The following GALNT17 variants were observed in gnomAD, a reference collection of about 807,000 sequenced individuals.
GALNT17 encodes the protein polypeptide N-acetylgalactosaminyltransferase 17, also known as UDP-GalNAc:polypeptide N-acetylgalactosaminyltransferase-like 3.
GALNT17 carries 29 observed loss-of-function variants against 63.7 expected under a neutral mutation model. That is an observed-to-expected ratio of 0.46 (90% CI 0.34 to 0.62). GALNT17 has a LOEUF of 0.62. Ranked by LOEUF, GALNT17 falls within the 20% of genes least tolerant of loss-of-function variation. The probability of loss-of-function intolerance (pLI) is 0.01; values close to 1 mark genes in which losing one functional copy is unlikely to be tolerated. For missense variants in GALNT17, 603 were observed against 799.6 expected, an observed-to-expected ratio of 0.75 and a Z score of 2.97; for synonymous variants, 305 against 318.3, an observed-to-expected ratio of 0.96 and a Z score of 0.45.
chr7:71,361,233 A>G (rs1167302288), intron 2 of GALNT17, among the ~76,000 whole-genome samples: 3 of 152,180 alleles, frequency 2.0e-5, no homozygotes, highest in African/African-American at 7.2e-5. Context: ...TGGGCATAAG[A>G]AACACCTGGG....
intron 5 of GALNT17, among the ~76,000 whole-genome samples, chr7:71,438,203 A>G (rs1381556944): frequency 6.6e-6 from 1 of 152,234 alleles, no homozygotes; most frequent in South Asian, 2.1e-4. Flanking sequence ...AGGTCCCACA[A>G]TAGGCTGTCT....
At chr7:71,470,404 C>T (rs1001438357) in intron 5 of GALNT17, among the ~76,000 whole-genome samples, 4 of 152,160 alleles carry the variant, frequency 2.6e-5, no homozygotes, top group South Asian at 4.2e-4. Context: ...CCAACTTGAA[C>T]GGAGCACTTG....
At chr7:71,593,245 CA>C (rs573395387) in intron 6 of GALNT17, among the ~76,000 whole-genome samples, 91 of 143,250 alleles carry the variant, frequency 6.4e-4, no homozygotes, top group African/African-American at 2.3e-3. Context: ...ATAGATTTAC[CA>C]ATATTTTTCT....
chr7:71,662,064 T>C (rs1263863477), intron 6 of GALNT17, among the ~76,000 whole-genome samples: 1 of 152,124 alleles, frequency 6.6e-6, no homozygotes, highest in Non-Finnish European at 1.5e-5. Context: ...ACCCCAGGCA[T>C]GAAAGCCATC....
In GALNT17 at chr7:71,357,217, T is replaced by A. The variant is rs183994585; in HGVS notation, c.422+21484T>A. 2.5e-3 allele frequency among the ~76,000 whole-genome samples: 384 copies of A among 152,272 alleles called. 8 individuals are homozygous for A. The highest frequency in any genetic ancestry group is 1.4e-3 in the Non-Finnish European group (96 of 68,010). On this transcript the variant is annotated intron_variant, in intron 2 of 10. Coordinates refer to ENST00000333538, the MANE Select transcript of GALNT17 (RefSeq NM_022479.3). ...TACGAGTTTGTGGCCTGTTAGGAAC[T>A]GGGACGCACTGCAGGAAGTGAGTGG...
chr7:71,290,955 A>G (rs1381362203), intron 1 of GALNT17, among the ~76,000 whole-genome samples: 2 of 152,186 alleles, frequency 1.3e-5, no homozygotes, highest in Non-Finnish European at 2.9e-5. Context: ...TGGTTTCCAC[A>G]TTGAGAAGTG....
intron 5 of GALNT17, among the ~76,000 whole-genome samples, chr7:71,451,369 T>C (rs1171737482): frequency 6.6e-6 from 1 of 152,242 alleles, no homozygotes; most frequent in Non-Finnish European, 1.5e-5. Context: ...GCAGAAAGTT[T>C]TCTTGACCAT....
chr7:71,238,173 C>G (rs1047855633), intron 1 of GALNT17, among the ~76,000 whole-genome samples: 1 of 152,170 alleles, frequency 6.6e-6, no homozygotes, highest in Non-Finnish European at 1.5e-5. Flanking sequence ...GCCACACTCT[C>G]TCTCTGAGCA....
At chr7:71,313,545 G>T (rs1156661741) in intron 1 of GALNT17, among the ~76,000 whole-genome samples, 2 of 152,144 alleles carry the variant, frequency 1.3e-5, no homozygotes. Flanking sequence ...CTTTAGGAAA[G>T]AATAATTATT....
At chr7:71,344,344 CAG>C (rs1388987810) in intron 2 of GALNT17, among the ~76,000 whole-genome samples, 6 of 152,218 alleles carry the variant, frequency 3.9e-5, no homozygotes, top group East Asian at 1.9e-4. Context: ...CTCCATGGCT[CAG>C]GGGACAGTTC....
chr7:71,288,732 A>G (rs1366311837), intron 1 of GALNT17, among the ~76,000 whole-genome samples: 1 of 152,142 alleles, frequency 6.6e-6, no homozygotes, highest in Non-Finnish European at 1.5e-5. Context: ...CTGGAAATCC[A>G]GAGGGTCCCA....
intron 1 of GALNT17, among the ~76,000 whole-genome samples, chr7:71,278,707 G>T (rs775439810): frequency 3.3e-5 from 5 of 151,996 alleles, no homozygotes; most frequent in Non-Finnish European, 7.4e-5. Context: ...AGCAGAAGGG[G>T]GAAAAGCCCC....
At chr7:71,419,186 G>C (rs1330959076) in intron 4 of GALNT17, among the ~76,000 whole-genome samples, 1 of 152,232 alleles carries the variant, frequency 6.6e-6, no homozygotes, top group Non-Finnish European at 1.5e-5. Context: ...TCTAATGCAT[G>C]ATCTGGACTT....
intron 1 of GALNT17, among the ~76,000 whole-genome samples, chr7:71,289,992 C>G (rs115535969): frequency 0.017 from 2,628 of 152,192 alleles, 25 homozygotes; most frequent in Middle Eastern, 0.034. Context: ...TTGCAGTGAG[C>G]TGACATAGCG....
intron 5 of GALNT17, among the ~76,000 whole-genome samples, chr7:71,475,080 T>C (rs984673050): frequency 1.3e-5 from 2 of 152,184 alleles, no homozygotes; most frequent in Non-Finnish European, 2.9e-5. Context: ...ACCTTGATTT[T>C]GTTCCCCAGT....
chr7:71,146,144 C>T (rs1001305365), intron 1 of GALNT17, among the ~76,000 whole-genome samples: 1 of 152,092 alleles, frequency 6.6e-6, no homozygotes, highest in Non-Finnish European at 1.5e-5. Context: ...AGTGGCCTGA[C>T]TCCAGATTCA....
chr7:71,635,842 A>C (rs7796230), intron 6 of GALNT17, among the ~76,000 whole-genome samples: 56,547 of 152,084 alleles, frequency 0.37, 11,215 homozygotes, highest in Non-Finnish European at 0.44. Context: ...GTAAACTGTC[A>C]TGGCGCTGGT....
intron 2 of GALNT17, among the ~76,000 whole-genome samples, chr7:71,354,128 C>G (rs1380587291): frequency 6.6e-6 from 1 of 152,182 alleles, no homozygotes; most frequent in African/African-American, 2.4e-5. Context: ...ATGATCCAGT[C>G]ACCTCCTAAC....
intron 1 of GALNT17, among the ~76,000 whole-genome samples, chr7:71,139,386 A>G (rs1434874484): frequency 6.6e-6 from 1 of 152,198 alleles, no homozygotes; most frequent in Non-Finnish European, 1.5e-5. Context: ...GCTCTGTCAT[A>G]AGAAGAAATG....
Sources: allele counts gnomAD v4.1 joint callset (sites outside exome capture counted in the v4.1 genomes callset), GRCh38; gene constraint gnomAD v4.1.1; transcripts MANE v1.5; gene names NCBI Gene and HGNC (gene_info 2026-07-23, HGNC 2026-07-21).